The following OPN5 variants were observed in gnomAD, a reference collection of about 807,000 sequenced individuals.
OPN5 encodes opsin-5.
OPN5 carries 18 observed loss-of-function variants against 41.7 expected under a neutral mutation model. The ratio of observed to expected loss-of-function variants is 0.43; its 90% confidence interval spans 0.30 to 0.64. The LOEUF is 0.64. OPN5 is among the 30% of genes least tolerant of loss of function. OPN5 has a pLI of 0.13. For missense variants in OPN5, 318 were observed against 434.5 expected, an observed-to-expected ratio of 0.73 and a Z score of 2.38; for synonymous variants, 178 against 164.3, an observed-to-expected ratio of 1.08 and a Z score of -0.64.
chr6:47,791,657 A>C (rs1773376466), intron 2 of OPN5, 145 bp from the exon 3 acceptor site: 3 of 623,438 alleles, frequency 4.8e-6, no homozygotes, highest in Admixed American at 6.2e-5. Flanking sequence ...GGCTTTTATT[A>C]ATCTAGGAAA....
intron 6 of OPN5, among the ~76,000 whole-genome samples, chr6:47,812,517 T>A (rs1762281333): frequency 6.6e-6 from 1 of 152,112 alleles, no homozygotes; most frequent in Non-Finnish European, 1.5e-5. Context: ...AACAAACACC[T>A]TTTGAGGCAG....
intron 6 of OPN5, among the ~76,000 whole-genome samples, chr6:47,820,585 T>G (rs1561907962): frequency 6.6e-6 from 1 of 152,198 alleles, no homozygotes; most frequent in Non-Finnish European, 1.5e-5. Flanking sequence ...CTAGACCAGG[T>G]GCATCAAATC....
intron 2 of OPN5, among the ~76,000 whole-genome samples, chr6:47,791,080 C>A (rs1403829543): frequency 2.0e-5 from 3 of 152,156 alleles, no homozygotes; most frequent in African/African-American, 7.2e-5. Context: ...TCCTTTTCTT[C>A]ATTTTCTCTT....
intron 4 of OPN5, 82 bp downstream of exon 4, chr6:47,795,645 C>G: frequency 1.1e-6 from 1 of 913,240 alleles, no homozygotes; most frequent in South Asian, 1.6e-5. Context: ...ACGTTGGAGA[C>G]TGAGAGAACT....
At chr6:47,817,966 C>T (rs1762481510) in intron 6 of OPN5, among the ~76,000 whole-genome samples, 1 of 152,092 alleles carries the variant, frequency 6.6e-6, no homozygotes, top group Admixed American at 6.6e-5. Context: ...CTTCAAGAAA[C>T]CAGGGAAGGG....
At chr6:47,806,184 C>T (rs1042184676) in intron 4 of OPN5, among the ~76,000 whole-genome samples, 14 of 151,820 alleles carry the variant, frequency 9.2e-5, no homozygotes, top group African/African-American at 3.4e-4. Flanking sequence ...AAACAACCCC[C>T]CCAAAAAACA....
chr6:47,785,838 C>T (rs1194136202), intron 1 of OPN5, among the ~76,000 whole-genome samples: 3 of 152,176 alleles, frequency 2.0e-5, no homozygotes, highest in Non-Finnish European at 4.4e-5. Context: ...GTCACTTTCT[C>T]TCCCCTTGGT....
At position 47,810,269 on chromosome 6, in the gene OPN5, C is replaced by T. The variant is rs150891076; in HGVS notation, c.999-1405C>T. Among the ~76,000 whole-genome samples the T allele has an allele frequency of 1.8e-3, 278 of 152,250 alleles. 2 individuals carry two copies. The highest frequency in any genetic ancestry group is 6.6e-3 in the African/African-American group (273 of 41,546). On this transcript the variant is annotated intron_variant, in intron 5 of 6. Coordinates refer to ENST00000371211, the Ensembl canonical transcript of OPN5. ...GCCCTTAGGTGCTAGAGGTTGAAGC[C>T]TCTTTGTGGAAGGAATGCTGAAGAG... is the stretch of plus-strand genomic sequence containing the variant.
chr6:47,792,694 TA>T (rs1561892017), intron 3 of OPN5, among the ~76,000 whole-genome samples: 2 of 152,226 alleles, frequency 1.3e-5, no homozygotes, highest in Admixed American at 6.5e-5. Flanking sequence ...TCTTTAAGTT[TA>T]ATATTGAGAA....
chr6:47,793,707 C>A, intron 3 of OPN5: 2 of 414,662 alleles, frequency 4.8e-6, no homozygotes, highest in Non-Finnish European at 6.5e-6. Flanking sequence ...ACTTCTGGAG[C>A]AACACAGAAC....
exon 4 of OPN5, chr6:47,795,254 C>T: frequency 6.2e-7 from 1 of 1,605,496 alleles, no homozygotes; most frequent in Admixed American, 1.7e-5. Flanking sequence ...GAAAGCACGC[C>T]TACATCTGCC....
In OPN5 at chr6:47,785,857, C is replaced by T. The variant is rs921227845; in HGVS notation, c.131-658C>T. On this transcript the variant is annotated intron_variant, in intron 1 of 6. Coordinates refer to ENST00000371211, the Ensembl canonical transcript of OPN5. ...CTTTCTCTCCCCTTGGTGGGAGGGA[C>T]AGTGCCCAGGTTCTCGATTGTCACC... Among the ~76,000 whole-genome samples, 4 of 152,210 alleles carry T rather than the reference C, an allele frequency of 2.6e-5. No individual in the cohort carries two copies. The East Asian group carries it at 7.7e-4, about 29-fold the overall frequency.
chr6:47,789,271 C>A (rs1205814755), intron 2 of OPN5, among the ~76,000 whole-genome samples: 2 of 152,184 alleles, frequency 1.3e-5, no homozygotes, highest in African/African-American at 4.8e-5. Context: ...TGTCACATCT[C>A]AGAGAAGTCT....
intron 6 of OPN5, among the ~76,000 whole-genome samples, chr6:47,820,133 TAGAGAGAGAG>T (rs5876036): frequency 0.065 from 9,640 of 149,420 alleles, 413 homozygotes; most frequent in Non-Finnish European, 0.1. Flanking sequence ...TCCTTTTGAA[TAGAGAGAGAG>T]AGAGAGAGAG....
At chr6:47,822,496 T>A (rs1762658144) in intron 6 of OPN5, among the ~76,000 whole-genome samples, 1 of 152,234 alleles carries the variant, frequency 6.6e-6, no homozygotes, top group Admixed American at 6.5e-5. Flanking sequence ...GCTCAATAAA[T>A]TTCCCAATTT....
intron 6 of OPN5, among the ~76,000 whole-genome samples, chr6:47,812,150 G>C (rs750149611): frequency 2.0e-5 from 3 of 152,004 alleles, no homozygotes; most frequent in South Asian, 2.1e-4. Context: ...ATGTATGTTG[G>C]GCCATGGCTC....
chr6:47,782,107 T>G, exon 1 of OPN5: 1 of 1,613,254 alleles, frequency 6.2e-7, no homozygotes, highest in Non-Finnish European at 8.5e-7. Flanking sequence ...GACGAGCGCC[T>G]GCCCCATTAC....
intron 4 of OPN5, among the ~76,000 whole-genome samples, chr6:47,803,274 C>T (rs1349357657): frequency 6.6e-6 from 1 of 152,184 alleles, no homozygotes; most frequent in Non-Finnish European, 1.5e-5. Flanking sequence ...CAAGTTCCCT[C>T]CCTTCCTGCT....
intron 3 of OPN5, chr6:47,795,000 A>G (rs1299635140): frequency 4.4e-6 from 2 of 458,310 alleles, no homozygotes; most frequent in Admixed American, 7.2e-5. Context: ...CTCCCTCCCA[A>G]AGCTCCCAGA....
Sources: gnomAD v4.1 joint callset for allele counts (sites outside exome capture counted in the v4.1 genomes callset) on GRCh38, gnomAD v4.1.1 for gene constraint, MANE v1.5 for transcripts, NCBI Gene and HGNC (gene_info 2026-07-23, HGNC 2026-07-21) for gene names.